KLF12: variants seen among roughly 807,000 people sequenced by gnomAD.
The protein encoded by KLF12 is KLF transcription factor 12, also known as Krueppel-like factor 12.
KLF12 carries 9 observed loss-of-function variants against 37.8 expected under a neutral mutation model. That is an observed-to-expected ratio of 0.24 (90% CI 0.14 to 0.42). KLF12 has a LOEUF of 0.42. Ranked by LOEUF, KLF12 falls within the 10% of genes least tolerant of loss-of-function variation. The pLI, the probability that KLF12 is intolerant of heterozygous loss-of-function variation, is 1.00. For synonymous variants in KLF12, 208 were observed against 202.1 expected, an observed-to-expected ratio of 1.03 and a Z score of -0.25; for missense variants, 411 against 516.0, an observed-to-expected ratio of 0.80 and a Z score of 1.97.
intron 5 of KLF12, among the ~76,000 whole-genome samples, chr13:73,809,827 C>T (rs937091114): frequency 6.6e-5 from 10 of 152,134 alleles, no homozygotes; most frequent in Non-Finnish European, 1.2e-4. Context: ...TCAGTGTATT[C>T]TTAACTAAAT....
At chr13:74,159,544 T>C in the KLF12 span, among the ~76,000 whole-genome samples, 1 of 152,228 alleles carries the variant, frequency 6.6e-6, no homozygotes, top group Non-Finnish European at 1.5e-5. Context: ...ACATATTTCA[T>C]TATTACTTTA....
At chr13:74,176,375 C>T in the KLF12 span, among the ~76,000 whole-genome samples, 1 of 152,166 alleles carries the variant, frequency 6.6e-6, no homozygotes, top group Admixed American at 6.5e-5. Flanking sequence ...TTTCTCTTTA[C>T]CCCAGGTCTA....
At chr13:74,243,081 T>C in the KLF12 span, among the ~76,000 whole-genome samples, 1 of 152,136 alleles carries the variant, frequency 6.6e-6, no homozygotes, top group Non-Finnish European at 1.5e-5. Flanking sequence ...GCATTAGATA[T>C]TTGTCCTAAT....
intron 6 of KLF12, among the ~76,000 whole-genome samples, chr13:73,728,625 T>C (rs771001052): frequency 1.3e-5 from 2 of 152,222 alleles, no homozygotes; most frequent in Non-Finnish European, 2.9e-5. Context: ...AGTGTTTTCA[T>C]TACAAAAGGA....
At chr13:73,780,108 G>A (rs527986206) in intron 5 of KLF12, among the ~76,000 whole-genome samples, 34 of 152,174 alleles carry the variant, frequency 2.2e-4, no homozygotes, top group Non-Finnish European at 4.7e-4. Context: ...GCCTGAAGAT[G>A]TGACCGAATG....
At chr13:74,169,986 AT>A in the KLF12 span, among the ~76,000 whole-genome samples, 15 of 151,532 alleles carry the variant, frequency 9.9e-5, no homozygotes, top group East Asian at 3.9e-4. Flanking sequence ...AAATATTGCC[AT>A]TTTTTTTTCT....
chr13:74,091,486 T>C (rs1355618442), intron 1 of KLF12, among the ~76,000 whole-genome samples: 2 of 152,246 alleles, frequency 1.3e-5, no homozygotes, highest in Non-Finnish European at 2.9e-5. Flanking sequence ...AAGTTTCCTC[T>C]ATGTCTTGTC....
chr13:73,851,551 A>T (rs1885335225), intron 3 of KLF12, among the ~76,000 whole-genome samples: 4 of 152,212 alleles, frequency 2.6e-5, no homozygotes, highest in Admixed American at 2.6e-4. Context: ...AAATAACTTA[A>T]ATCAATCCAC....
At chr13:73,715,299 C>G (rs1021725724) in intron 7 of KLF12, 69 bp downstream of exon 7, 2 of 1,423,950 alleles carry the variant, frequency 1.4e-6, no homozygotes, top group Non-Finnish European at 1.9e-6. Flanking sequence ...CGAAAGGCTC[C>G]CGAGGTAAGT....
chr13:74,020,273 G>C (rs1892807252), intron 1 of KLF12, among the ~76,000 whole-genome samples: 2 of 152,254 alleles, frequency 1.3e-5, no homozygotes, highest in Middle Eastern at 6.8e-3. Flanking sequence ...CCATGCCAAG[G>C]ATAGAATCAA....
the KLF12 span, among the ~76,000 whole-genome samples, chr13:74,243,120 G>GCA: frequency 6.6e-6 from 1 of 151,918 alleles, no homozygotes; most frequent in Non-Finnish European, 1.5e-5. Flanking sequence ...CCCCACCCCT[G>GCA]ACAGGCCCCG....
chr13:74,037,163 A>G (rs1454893619), intron 1 of KLF12, among the ~76,000 whole-genome samples: 1 of 147,988 alleles, frequency 6.8e-6, no homozygotes, highest in Non-Finnish European at 1.5e-5. Context: ...AGATCACGCC[A>G]TTGCACTCCA....
the KLF12 span, among the ~76,000 whole-genome samples, chr13:74,140,666 G>A: frequency 6.6e-6 from 1 of 152,184 alleles, no homozygotes; most frequent in African/African-American, 2.4e-5. Flanking sequence ...AATATAAATG[G>A]GACATTGGTG....
intron 6 of KLF12, among the ~76,000 whole-genome samples, chr13:73,725,691 T>C (rs1455598091): frequency 6.6e-6 from 1 of 151,904 alleles, no homozygotes; most frequent in African/African-American, 2.4e-5. Context: ...CTATTCCATT[T>C]ATAGGACTTA....
At chr13:73,886,475 G>A (rs191074089) in intron 3 of KLF12, among the ~76,000 whole-genome samples, 3 of 152,060 alleles carry the variant, frequency 2.0e-5, no homozygotes, top group South Asian at 4.2e-4. Context: ...GGAAAAATAG[G>A]GGGGTAGGGT....
chr13:74,003,620 G>A (rs149425366), intron 1 of KLF12, among the ~76,000 whole-genome samples: 43 of 152,224 alleles, frequency 2.8e-4, no homozygotes, highest in Middle Eastern at 3.4e-3. Context: ...AAATGACTAA[G>A]AATTATGTCA....
At position 74,007,437 on chromosome 13, in the gene KLF12, ATT is replaced by A. The variant is rs67419506; in HGVS notation, c.-31-12386_-31-12385del. Among the ~76,000 whole-genome samples, 313 of 149,940 alleles carry A rather than the reference ATT, an allele frequency of 2.1e-3. 2 individuals carry two copies. Among genetic ancestry groups the A allele is most frequent in the African/African-American group, 7.3e-3 (297 of 40,788 alleles). On this transcript the variant is annotated intron_variant, in intron 1 of 7. Transcript: ENST00000377669. ...CAGGCGCCCGCCACCACGCCCGGTA[ATT>A]TTTTTTTTTGTATTTTTAGTAGAGA...
chr13:73,803,389 G>C (rs2138358237), intron 5 of KLF12, among the ~76,000 whole-genome samples: 1 of 152,132 alleles, frequency 6.6e-6, no homozygotes, highest in East Asian at 1.9e-4. Context: ...CATGTGGTTT[G>C]ACCTCCTACC....
At chr13:74,102,322 G>C (rs1401731516) in intron 1 of KLF12, among the ~76,000 whole-genome samples, 2 of 152,128 alleles carry the variant, frequency 1.3e-5, no homozygotes, top group Admixed American at 6.6e-5. Context: ...ACTCCTGATA[G>C]CACTAAACAA....
Sources: allele counts gnomAD v4.1 joint callset (sites outside exome capture counted in the v4.1 genomes callset), GRCh38; gene constraint gnomAD v4.1.1; transcripts MANE v1.5; gene names NCBI Gene and HGNC (gene_info 2026-07-23, HGNC 2026-07-21).